The following CEP128 variants were observed in gnomAD, a reference collection of about 807,000 sequenced individuals.
CEP128 encodes the protein centrosomal protein 128kDa.
A neutral mutation model predicts 156.7 loss-of-function variants in CEP128; 132 were observed. That is an observed-to-expected ratio of 0.84 (90% CI 0.73 to 0.97). CEP128 has a LOEUF of 0.97. Ranked by LOEUF, CEP128 falls within the 50% of genes least tolerant of loss-of-function variation. The probability of loss-of-function intolerance (pLI) is 0.00; values close to 1 mark genes in which losing one functional copy is unlikely to be tolerated. For missense variants in CEP128, 1,252 were observed against 1,281.9 expected (o/e 0.98, Z 0.36); for synonymous variants, 469 against 448.9 (o/e 1.04, Z -0.57).
At chr14:80,535,424 A>C (rs1415410193) in intron 21 of CEP128, among the ~76,000 whole-genome samples, 5 of 152,222 alleles carry the variant, frequency 3.3e-5, no homozygotes. Flanking sequence ...TAAATTCCTA[A>C]CTTCCCTCTA....
Position 80,595,018 on chromosome 14 carries a change from T to C in CEP128, c.2807-14595A>G, listed in dbSNP as rs149981753. ...TAAATCATTCTACTGTTAAAACACA[T>C]GCACACATGTGTTTATTGCAGCACT... On this transcript the variant is annotated intron_variant, in intron 19 of 24. Coordinates refer to ENST00000555265, the MANE Select transcript of CEP128 (RefSeq NM_152446.5). 1.2e-3 allele frequency among the ~76,000 whole-genome samples: 186 copies of C among 152,300 alleles called. 4 individuals carry two copies. In the Middle Eastern group the frequency reaches 0.027, roughly 22 times the overall value.
chr14:80,559,733 T>C (rs1890590436), intron 20 of CEP128, among the ~76,000 whole-genome samples: 1 of 152,166 alleles, frequency 6.6e-6, no homozygotes, highest in African/African-American at 2.4e-5. Context: ...CACAACAAGC[T>C]GAAATTCAGA....
intron 11 of CEP128, 57 bp downstream of exon 11, chr14:80,838,147 A>T: frequency 8.4e-7 from 1 of 1,190,436 alleles, no homozygotes; most frequent in Non-Finnish European, 1.2e-6. Flanking sequence ...ATTTAAATAG[A>T]GCTACTCAAT....
chr14:80,861,213 A>G (rs1030031214), intron 9 of CEP128, among the ~76,000 whole-genome samples: 6 of 152,208 alleles, frequency 3.9e-5, no homozygotes, highest in African/African-American at 1.4e-4. Flanking sequence ...AATAGATGCT[A>G]AAATTAGTGA....
intron 19 of CEP128, among the ~76,000 whole-genome samples, chr14:80,685,217 G>C (rs923759828): frequency 1.3e-5 from 2 of 151,996 alleles, no homozygotes; most frequent in African/African-American, 4.8e-5. Context: ...TTGGCAAAAG[G>C]CTACTGGGAC....
chr14:80,663,309 T>C (rs1169176624), intron 19 of CEP128, among the ~76,000 whole-genome samples: 1 of 152,144 alleles, frequency 6.6e-6, no homozygotes, highest in Non-Finnish European at 1.5e-5. Flanking sequence ...TTGATTTCAA[T>C]AGGATGGAGG....
chr14:80,850,875 C>T (rs1886856205), intron 9 of CEP128, among the ~76,000 whole-genome samples: 1 of 152,132 alleles, frequency 6.6e-6, no homozygotes, highest in Non-Finnish European at 1.5e-5. Flanking sequence ...CAGCAACCCA[C>T]TATACGAAAA....
At chr14:80,837,287 CACAG>C (rs1238703257) in intron 11 of CEP128, among the ~76,000 whole-genome samples, 1 of 152,156 alleles carries the variant, frequency 6.6e-6, no homozygotes, top group Non-Finnish European at 1.5e-5. Context: ...TTGTATTAAA[CACAG>C]ACAGGCAGTT....
chr14:80,862,910 G>T, intron 8 of CEP128, 37 bp from the exon 9 acceptor site: 1 of 1,441,228 alleles, frequency 6.9e-7, no homozygotes, highest in Non-Finnish European at 9.8e-7. Context: ...GCATTATAGA[G>T]CTAGCAAGCA....
chr14:80,787,323 G>A (rs988331005), intron 14 of CEP128, among the ~76,000 whole-genome samples: 6 of 152,050 alleles, frequency 3.9e-5, no homozygotes, highest in African/African-American at 1.4e-4. Context: ...GCTAGCTTTT[G>A]GTCAGCGATT....
chr14:80,869,037 A>C (rs887151111), intron 8 of CEP128, among the ~76,000 whole-genome samples: 25 of 152,030 alleles, frequency 1.6e-4, no homozygotes, highest in African/African-American at 4.6e-4. Context: ...ACAGAAATAC[A>C]ATAGTAGTTT....
At chr14:80,593,336 G>A (rs1892165075) in intron 19 of CEP128, among the ~76,000 whole-genome samples, 1 of 152,024 alleles carries the variant, frequency 6.6e-6, no homozygotes, top group South Asian at 2.1e-4. Flanking sequence ...AGGAGATCGA[G>A]ACCATCTTGG....
At chr14:80,632,920 A>T (rs1894021798) in intron 19 of CEP128, among the ~76,000 whole-genome samples, 1 of 152,140 alleles carries the variant, frequency 6.6e-6, no homozygotes, top group Admixed American at 6.6e-5. Context: ...AGTGCTCACT[A>T]CGTGTGCATT....
chr14:80,735,405 T>C (rs919333522), intron 19 of CEP128, among the ~76,000 whole-genome samples: 6 of 152,126 alleles, frequency 3.9e-5, no homozygotes, highest in Non-Finnish European at 8.8e-5. Context: ...TTTCGCACAT[T>C]TCCAGAACTA....
At chr14:80,912,765 A>T (rs972614556) in intron 4 of CEP128, among the ~76,000 whole-genome samples, 1 of 110,848 alleles carries the variant, frequency 9.0e-6, no homozygotes, top group Non-Finnish European at 1.9e-5. Flanking sequence ...CTTTACTTGT[A>T]AAAAAAAATA....
chr14:80,734,754 A>T (rs1221186541), intron 19 of CEP128, among the ~76,000 whole-genome samples: 2 of 151,244 alleles, frequency 1.3e-5, no homozygotes, highest in African/African-American at 4.9e-5. Flanking sequence ...AGGCTGAGGC[A>T]AGAGAATCAC....
intron 23 of CEP128, among the ~76,000 whole-genome samples, chr14:80,526,234 C>G (rs1275587042): frequency 6.6e-6 from 1 of 151,992 alleles, no homozygotes; most frequent in African/African-American, 2.4e-5. Flanking sequence ...TTAACTGGCC[C>G]CAAATATCAA....
chr14:80,591,040 C>T (rs1248315941), intron 19 of CEP128, among the ~76,000 whole-genome samples: 1 of 152,092 alleles, frequency 6.6e-6, no homozygotes, highest in Non-Finnish European at 1.5e-5. Context: ...CCAGTACCAG[C>T]CACTGCAAAA....
intron 10 of CEP128, among the ~76,000 whole-genome samples, chr14:80,840,128 G>T (rs1198045840): frequency 2.0e-5 from 3 of 152,122 alleles, no homozygotes; most frequent in Non-Finnish European, 4.4e-5. Context: ...TCATTACTTT[G>T]AGCTCATCCT....
Sources: allele counts gnomAD v4.1 joint callset (sites outside exome capture counted in the v4.1 genomes callset), GRCh38; gene constraint gnomAD v4.1.1; transcripts MANE v1.5; gene names NCBI Gene and HGNC (gene_info 2026-07-23, HGNC 2026-07-21).